Variants in SCIN observed in about 807,000 individuals in gnomAD.
The protein encoded by SCIN is adseverin.
In SCIN, 91 loss-of-function variants were observed where a neutral mutation model predicts 91.8. The observed-to-expected ratio is 0.99, with a 90% CI of 0.84 to 1.18. The LOEUF is 1.18. SCIN is among the 50% of genes most tolerant of loss of function. SCIN has a pLI of 0.00. For synonymous variants in SCIN, 367 were observed against 312.6 expected, an observed-to-expected ratio of 1.17 and a Z score of -1.84; for missense variants, 1,087 against 863.9, an observed-to-expected ratio of 1.26 and a Z score of -3.24.
At position 12,653,740 on chromosome 7, in the gene SCIN, A is replaced by T. The variant is rs1784126055; in HGVS notation, c.*1025A>T. The T allele has an allele frequency of 6.6e-6, 1 of 152,210 alleles. No homozygotes were observed. Among genetic ancestry groups the T allele is most frequent in the African/African-American group, 2.4e-5 (1 of 41,448 alleles). 9.4% of individuals were successfully genotyped at this position (152,210 alleles called of 1,614,324 possible). Reference sequence around the variant, plus strand: ...CAGGGAGCAGAGCCAAGTTCAAGTAAGTTAACGATATCAAGTTACTTACTG... The same window carrying T: ...CAGGGAGCAGAGCCAAGTTCAAGTATGTTAACGATATCAAGTTACTTACTG... On this transcript the variant is annotated 3_prime_UTR_variant, in exon 16 of 16. Transcript: ENST00000297029. The surrounding 1 kb of genome is among the most constrained non-coding windows in gnomAD (Gnocchi z 4.1).
intron 6 of SCIN, among the ~76,000 whole-genome samples, 181 bp downstream of exon 6, chr7:12,625,323 T>C (rs546203083): frequency 4.0e-5 from 6 of 151,852 alleles, no homozygotes; most frequent in African/African-American, 1.4e-4. Flanking sequence ...CCAGGGATTA[T>C]GGAGTTAAAA....
chr7:12,648,960 A>C (rs1025776245), intron 13 of SCIN, among the ~76,000 whole-genome samples: 1 of 152,194 alleles, frequency 6.6e-6, no homozygotes, highest in Non-Finnish European at 1.5e-5. Context: ...AGGATTATGT[A>C]ATTTTTTATA....
At chr7:12,589,613 C>T (rs1782674832) in intron 3 of SCIN, 2 of 152,188 alleles carry the variant, frequency 1.3e-5, no homozygotes, top group Non-Finnish European at 2.9e-5. Context: ...AAAAGATACA[C>T]AGGCCGCCTT....
chr7:12,598,295 A>G (rs568655440), intron 3 of SCIN, among the ~76,000 whole-genome samples: 7 of 152,270 alleles, frequency 4.6e-5, no homozygotes, highest in African/African-American at 1.4e-4. Context: ...TGAATTAAGA[A>G]CAGAGTTTTT....
At chr7:12,601,332 C>T (rs1782954196) in intron 3 of SCIN, among the ~76,000 whole-genome samples, 1 of 152,104 alleles carries the variant, frequency 6.6e-6, no homozygotes, top group Admixed American at 6.5e-5. Flanking sequence ...TGACTCTGGG[C>T]TGGAAATTTA....
chr7:12,627,322 T>C (rs1490015185), intron 8 of SCIN, among the ~76,000 whole-genome samples: 1 of 152,124 alleles, frequency 6.6e-6, no homozygotes, highest in Non-Finnish European at 1.5e-5. Flanking sequence ...ATCTAGCTAA[T>C]GTTCCTACGC....
At chr7:12,608,413 A>G (rs2115255028) in intron 4 of SCIN, among the ~76,000 whole-genome samples, 1 of 151,990 alleles carries the variant, frequency 6.6e-6, no homozygotes, top group South Asian at 2.1e-4. Flanking sequence ...GCAACAGTTG[A>G]TTTTACTAGA....
chr7:12,576,345 T>C (rs974371389), intron 1 of SCIN, among the ~76,000 whole-genome samples: 1 of 138,970 alleles, frequency 7.2e-6, no homozygotes, highest in Non-Finnish European at 1.5e-5. Flanking sequence ...AGTAATCTTC[T>C]AGCTACTGAG....
chr7:12,611,197 C>G (rs988413041), intron 4 of SCIN: 4 of 152,208 alleles, frequency 2.6e-5, no homozygotes, highest in African/African-American at 9.7e-5. Context: ...TGCTTTATTA[C>G]TGAGTCATCT....
Position 12,643,875 on chromosome 7 carries a change from G to T in SCIN, c.1582-263G>T, listed in dbSNP as rs570454762. 1.1e-4 allele frequency among the ~76,000 whole-genome samples: 17 copies of T among 152,290 alleles called. No homozygotes were observed. In the South Asian group the frequency reaches 3.5e-3, roughly 32 times the overall value. On this transcript the variant is annotated intron_variant, in intron 11 of 15. Coordinates refer to ENST00000297029, the MANE Select transcript of SCIN (RefSeq NM_001112706.3). The stretch of plus-strand genomic sequence containing the variant: ...GACAATTATACAGAAAGTCATACCA[G>T]TGACATAGTAGCACAGTCATATGGT...
chr7:12,604,797 C>T (rs572129007), intron 4 of SCIN, 134 bp downstream of exon 4: 1 of 694,350 alleles, frequency 1.4e-6, no homozygotes, highest in African/African-American at 1.8e-5. Context: ...CAATAGTGAG[C>T]CTAGCTACAA....
intron 3 of SCIN, among the ~76,000 whole-genome samples, chr7:12,601,862 A>G (rs1463928394): frequency 6.6e-6 from 1 of 152,200 alleles, no homozygotes; most frequent in East Asian, 1.9e-4. Flanking sequence ...AATTTTCTAC[A>G]TCAGTATTTA....
In SCIN at chr7:12,653,097, T is replaced by C; in HGVS notation, c.*382T>C. 1 of 134,142 alleles carries C rather than the reference T, an allele frequency of 7.5e-6. No individual in the cohort carries two copies. Among genetic ancestry groups the C allele is most frequent in the Non-Finnish European group, 1.5e-5 (1 of 66,150 alleles). 8.3% of individuals were successfully genotyped at this position (134,142 alleles called of 1,614,324 possible). On this transcript the variant is annotated 3_prime_UTR_variant, in exon 16 of 16. Coordinates refer to ENST00000297029, the MANE Select transcript of SCIN (RefSeq NM_001112706.3). This position sits in a 1 kb window ranked among gnomAD's most constrained non-coding sequence, Gnocchi z 4.1. ...TCCAGCCTGGGCAACAGAGACTCTG[T>C]CTCAAAAAAAAAAAAAAAAAAAATT...
At chr7:12,598,441 C>T (rs929630094) in intron 3 of SCIN, among the ~76,000 whole-genome samples, 8 of 152,112 alleles carry the variant, frequency 5.3e-5, no homozygotes, top group Non-Finnish European at 1.2e-4. Flanking sequence ...TACTTCAGCA[C>T]AGTAGAGCTC....
At position 12,625,082 on chromosome 7, in the gene SCIN, C is replaced by A; in HGVS notation, c.832C>A (p.Leu278Met). 1 of 1,605,276 alleles carries A rather than the reference C, an allele frequency of 6.2e-7. No homozygotes were observed. The highest frequency in any genetic ancestry group is 8.5e-7 in the Non-Finnish European group (1 of 1,175,646). ...AAACCCCTTCTCAATGGCAATGCTGCTGTCTGAAGAATGCTTTATTTTGGA... is the reference window on the plus strand; with the variant it reads ...AAACCCCTTCTCAATGGCAATGCTGATGTCTGAAGAATGCTTTATTTTGGA... ...EENPFSMAML[L>M]SEECFILDHG... The change falls in exon 6 of 16, where the codon CTG becomes ATG. Residue 278 changes from leucine (L) to methionine (M), a missense_variant. By Grantham distance (15) the Leu-to-Met change is conservative. Coordinates refer to ENST00000297029, the MANE Select transcript of SCIN (RefSeq NM_001112706.3).
intron 3 of SCIN, among the ~76,000 whole-genome samples, chr7:12,587,480 A>G (rs1275310754): frequency 3.9e-5 from 6 of 152,216 alleles, no homozygotes; most frequent in South Asian, 2.1e-4. Flanking sequence ...TGTTCCCCAG[A>G]CATTTGCTAG....
rs1177434191 is a variant in SCIN, at chr7:12,656,174, G to A, written c.*3459G>A. ...ATTTTGAACAATGTTTTGGCCTCCA[G>A]TAATGATTAGGAACACACTATAAAC... On this transcript the variant is annotated 3_prime_UTR_variant, in exon 16 of 16. Transcript: ENST00000297029. 6.6e-6 allele frequency: 1 copy of A among 152,136 alleles called. No homozygotes were observed. Among genetic ancestry groups the A allele is most frequent in the Non-Finnish European group, 1.5e-5 (1 of 68,028 alleles). 9.4% of individuals were successfully genotyped at this position (152,136 alleles called of 1,614,324 possible).
intron 8 of SCIN, among the ~76,000 whole-genome samples, chr7:12,628,873 G>A (rs112306539): frequency 8.5e-5 from 13 of 152,112 alleles, no homozygotes; most frequent in African/African-American, 2.7e-4. Flanking sequence ...CAATGGGCTC[G>A]GAACTGAGCT....
intron 2 of SCIN, among the ~76,000 whole-genome samples, chr7:12,580,369 G>A (rs1018455470): frequency 3.3e-5 from 5 of 151,962 alleles, no homozygotes; most frequent in South Asian, 2.1e-4. Context: ...TCTTTAATTC[G>A]GGTGATTGTA....
Sources: gnomAD v4.1 joint callset for allele counts (sites outside exome capture counted in the v4.1 genomes callset) on GRCh38, gnomAD v4.1.1 for gene constraint, Gnocchi (gnomAD v3.1) non-coding constraint, MANE v1.5 for transcripts, NCBI Gene and HGNC (gene_info 2026-07-23, HGNC 2026-07-21) for gene names.